NEK11: variants seen among roughly 807,000 people sequenced by gnomAD.
NEK11 encodes the protein NIMA related kinase 11.
A neutral mutation model predicts 80.7 loss-of-function variants in NEK11; 72 were observed. That is an observed-to-expected ratio of 0.89 (90% CI 0.74 to 1.08). The LOEUF (loss-of-function observed/expected upper bound fraction) is 1.08, where lower values mean the gene tolerates loss of function less well. Ranked by LOEUF, NEK11 falls within the 50% of genes least tolerant of loss-of-function variation. The pLI, the probability that NEK11 is intolerant of heterozygous loss-of-function variation, is 0.00. For missense variants in NEK11, 764 were observed against 763.6 expected, an observed-to-expected ratio of 1.00 and a Z score of -0.01; for synonymous variants, 251 against 260.7, an observed-to-expected ratio of 0.96 and a Z score of 0.36.
chr3:131,076,826 C>T (rs1560285124), intron 3 of NEK11, among the ~76,000 whole-genome samples: 1 of 152,190 alleles, frequency 6.6e-6, no homozygotes, highest in Non-Finnish European at 1.5e-5. Flanking sequence ...GATCCTTTCT[C>T]TTTAGTCTTG....
chr3:131,203,022 G>A (rs527960814), intron 14 of NEK11, among the ~76,000 whole-genome samples: 3 of 152,290 alleles, frequency 2.0e-5, no homozygotes, highest in African/African-American at 7.2e-5. Context: ...GCAGTGTGGC[G>A]ATTCTTCAGG....
Position 131,169,094 on chromosome 3 carries a change from AATAAAT to A in NEK11, c.1284+161_1284+166del, listed in dbSNP as rs111727175. 2.6e-3 allele frequency among the ~76,000 whole-genome samples: 391 copies of A among 152,332 alleles called. 1 individual carries two copies. The highest frequency in any genetic ancestry group is 8.8e-3 in the African/African-American group (366 of 41,578). Reference sequence around the variant, plus strand: ...AGCTTCATTGAGCTGAAAAAGATGAAATAAATATAGGAAAGAAATTAGATTAATCAG... The same window carrying A: ...AGCTTCATTGAGCTGAAAAAGATGAAATAGGAAAGAAATTAGATTAATCAG... On this transcript the variant is annotated intron_variant, in intron 13 of 17. Coordinates refer to ENST00000383366, the MANE Select transcript of NEK11 (RefSeq NM_024800.5).
intron 17 of NEK11, chr3:131,330,120 T>C (rs550161049): frequency 6.6e-6 from 1 of 152,300 alleles, no homozygotes; most frequent in African/African-American, 2.4e-5. Flanking sequence ...ATGGAGCTGA[T>C]AGGGCTTACT....
intron 7 of NEK11, among the ~76,000 whole-genome samples, chr3:131,151,581 T>C (rs547465265): frequency 6.6e-6 from 1 of 152,206 alleles, no homozygotes; most frequent in South Asian, 2.1e-4. Flanking sequence ...GTGACTAACA[T>C]GAAAAGGAAA....
rs1408911751 is a variant in NEK11, at chr3:131,182,876, A to T, written c.1399+11989A>T. ...CCTTCTTCCAGCTCAATTCCACATGACCTGTTTTCTTGGCTTCAAATAGCA... is the reference window on the plus strand; with the variant it reads ...CCTTCTTCCAGCTCAATTCCACATGTCCTGTTTTCTTGGCTTCAAATAGCA... On this transcript the variant is annotated intron_variant, in intron 14 of 17. Coordinates refer to ENST00000383366, the MANE Select transcript of NEK11 (RefSeq NM_024800.5). Among the ~76,000 whole-genome samples, 6 of 152,142 alleles carry T rather than the reference A, an allele frequency of 3.9e-5. No individual in the cohort carries two copies. The East Asian group carries it at 1.2e-3, about 29-fold the overall frequency.
intron 15 of NEK11, among the ~76,000 whole-genome samples, chr3:131,230,140 A>G (rs1407237882): frequency 2.4e-5 from 3 of 123,926 alleles, no homozygotes; most frequent in African/African-American, 9.3e-5. Context: ...ATCAAGCGGT[A>G]AAATTTTAGC....
chr3:131,216,041 T>C (rs2094823267), intron 14 of NEK11, among the ~76,000 whole-genome samples: 1 of 152,228 alleles, frequency 6.6e-6, no homozygotes, highest in African/African-American at 2.4e-5. Context: ...TTTTAATAAT[T>C]TTAATTCAAA....
intron 15 of NEK11, among the ~76,000 whole-genome samples, chr3:131,241,239 C>A (rs1228170902): frequency 2.0e-5 from 3 of 151,764 alleles, no homozygotes; most frequent in Non-Finnish European, 4.4e-5. Context: ...ATTCCTTGAC[C>A]CAGTAATTCT....
chr3:131,119,787 T>G (rs1384601827), intron 5 of NEK11, among the ~76,000 whole-genome samples: 1 of 152,178 alleles, frequency 6.6e-6, no homozygotes, highest in African/African-American at 2.4e-5. Flanking sequence ...AGACTAGGAT[T>G]GCAACCCCTG....
chr3:131,141,830 G>A (rs2086970387), intron 7 of NEK11, among the ~76,000 whole-genome samples: 1 of 152,154 alleles, frequency 6.6e-6, no homozygotes, highest in Admixed American at 6.5e-5. Context: ...ACATTTGACT[G>A]AAGGGCGGGC....
At position 131,109,926 on chromosome 3, in the gene NEK11, G is replaced by A. The variant is rs767909935; in HGVS notation, c.455+5G>A. 6.3e-7 allele frequency: 1 copy of A among 1,586,894 alleles called. No homozygotes were observed. The highest frequency in any genetic ancestry group is 8.5e-7 in the Non-Finnish European group (1 of 1,170,394). Reference sequence around the variant, plus strand: ...AGTTGACTACATGCATGAGAGGTATGTTCATTTGCTACTGGGGGAGCATGA... The same window carrying A: ...AGTTGACTACATGCATGAGAGGTATATTCATTTGCTACTGGGGGAGCATGA... On this transcript the variant is annotated splice_donor_5th_base_variant and intron_variant, in intron 5 of 17. Coordinates refer to ENST00000383366, the MANE Select transcript of NEK11 (RefSeq NM_024800.5).
chr3:131,252,941 A>T (rs2095736017), intron 16 of NEK11, among the ~76,000 whole-genome samples: 1 of 152,170 alleles, frequency 6.6e-6, no homozygotes, highest in Non-Finnish European at 1.5e-5. Context: ...GCTATAAGCT[A>T]AAATGAAATG....
chr3:131,091,621 C>CT (rs1198087347), intron 4 of NEK11, among the ~76,000 whole-genome samples: 1 of 152,138 alleles, frequency 6.6e-6, no homozygotes, highest in East Asian at 1.9e-4. Flanking sequence ...TTTAATATTT[C>CT]TTTAACACAG....
At chr3:131,274,678 G>A (rs1420213217) in intron 17 of NEK11, among the ~76,000 whole-genome samples, 3 of 107,172 alleles carry the variant, frequency 2.8e-5, no homozygotes, top group African/African-American at 7.6e-5. Flanking sequence ...ACGGAGTCTC[G>A]CTCTGTCGCC....
intron 3 of NEK11, among the ~76,000 whole-genome samples, chr3:131,079,853 T>C (rs200027815): frequency 1.1e-3 from 162 of 152,228 alleles, no homozygotes; most frequent in Admixed American, 1.9e-3. Flanking sequence ...AGTCGATATA[T>C]TTGGAAAATT....
At chr3:131,226,486 T>C (rs191527295) in intron 14 of NEK11, among the ~76,000 whole-genome samples, 1 of 152,272 alleles carries the variant, frequency 6.6e-6, no homozygotes, top group East Asian at 1.9e-4. Flanking sequence ...CATGCAATAC[T>C]ACTCAGCCAT....
At chr3:131,310,117 G>A (rs79694662) in intron 17 of NEK11, among the ~76,000 whole-genome samples, 2,803 of 147,812 alleles carry the variant, frequency 0.019, 41 homozygotes, top group East Asian at 0.088. Context: ...GTTCACTGCC[G>A]ATTCCCCAGC....
intron 17 of NEK11, among the ~76,000 whole-genome samples, chr3:131,304,728 G>A (rs1292904391): frequency 6.6e-6 from 1 of 152,146 alleles, no homozygotes; most frequent in Non-Finnish European, 1.5e-5. Context: ...TTGAGGTTAG[G>A]AACCTGCTGC....
intron 3 of NEK11, among the ~76,000 whole-genome samples, chr3:131,037,703 A>G (rs6439273): frequency 0.19 from 28,731 of 152,268 alleles, 2,775 homozygotes; most frequent in Non-Finnish European, 0.21. Flanking sequence ...CAAAGCTAAT[A>G]TTTATATATT....
Sources: allele counts gnomAD v4.1 joint callset (sites outside exome capture counted in the v4.1 genomes callset), GRCh38; gene constraint gnomAD v4.1.1; transcripts MANE v1.5; gene names NCBI Gene and HGNC (gene_info 2026-07-23, HGNC 2026-07-21).